The following SOX6 variants were observed in gnomAD, a reference collection of about 807,000 sequenced individuals.
The protein encoded by SOX6 is SRY-box transcription factor 6.
SOX6 carries 11 observed loss-of-function variants against 97.8 expected under a neutral mutation model. The ratio of observed to expected loss-of-function variants is 0.11; its 90% confidence interval spans 0.07 to 0.19. The LOEUF (loss-of-function observed/expected upper bound fraction) is 0.19, where lower values mean the gene tolerates loss of function less well. Among genes scored for constraint, SOX6 ranks in the 10% least tolerant of loss-of-function variants. The pLI is 1.00. For synonymous variants in SOX6, 360 were observed against 371.4 expected (o/e 0.97, Z 0.35); for missense variants, 810 against 1,039.5 (o/e 0.78, Z 3.04).
At chr11:16,447,579 G>A (rs1202793825) in intron 1 of SOX6, among the ~76,000 whole-genome samples, 1 of 151,934 alleles carries the variant, frequency 6.6e-6, no homozygotes, top group Non-Finnish European at 1.5e-5. Context: ...GATACATACT[G>A]TTATTAATAG....
chr11:16,303,186 A>C (rs929551030), intron 3 of SOX6, among the ~76,000 whole-genome samples: 3 of 152,172 alleles, frequency 2.0e-5, no homozygotes, highest in African/African-American at 7.2e-5. Context: ...ATTCTCTAAA[A>C]ATTAAAGCTA....
intron 2 of SOX6, among the ~76,000 whole-genome samples, chr11:16,324,043 G>A (rs1402303903): frequency 2.6e-5 from 4 of 151,964 alleles, no homozygotes; most frequent in African/African-American, 9.7e-5. Flanking sequence ...AATTAGCTGA[G>A]TGTGGGGGTG....
At chr11:16,239,313 C>T (rs1251290024) in intron 3 of SOX6, among the ~76,000 whole-genome samples, 1 of 152,034 alleles carries the variant, frequency 6.6e-6, no homozygotes, top group East Asian at 1.9e-4. Context: ...CTCTCTCTCC[C>T]CCTCTCCCTC....
At chr11:16,162,060 G>T (rs898809076) in intron 6 of SOX6, among the ~76,000 whole-genome samples, 1 of 152,108 alleles carries the variant, frequency 6.6e-6, no homozygotes, top group African/African-American at 2.4e-5. Flanking sequence ...TGTAATAATT[G>T]TTCCTTGCTT....
chr11:16,386,005 T>C (rs1857973199), intron 1 of SOX6, among the ~76,000 whole-genome samples: 1 of 152,182 alleles, frequency 6.6e-6, no homozygotes, highest in African/African-American at 2.4e-5. Flanking sequence ...AGCCATATTG[T>C]TCTCTGGGGC....
intron 4 of SOX6, among the ~76,000 whole-genome samples, chr11:16,590,164 A>G (rs189129749): frequency 6.6e-6 from 1 of 152,334 alleles, no homozygotes; most frequent in East Asian, 1.9e-4. Flanking sequence ...TGAAAGACAC[A>G]TAGAAAACTT....
In SOX6 at chr11:16,610,528, T is replaced by C. The variant is rs920338440; in HGVS notation, n.609+1553A>G. Among the ~76,000 whole-genome samples the C allele has an allele frequency of 6.6e-6, 1 of 152,200 alleles. No individual in the cohort carries two copies. The highest frequency in any genetic ancestry group is 6.5e-5 in the Admixed American group (1 of 15,288). The stretch of plus-strand genomic sequence containing the variant: ...GATCTCTGGCGTCCACTGAAGGCCC[T>C]AATACCCGGCCGCGATGAACCTTCC... On this transcript the variant is annotated intron_variant and non_coding_transcript_variant, in intron 4 of 5. Transcript: ENST00000524520. This position sits in a 1 kb window ranked among gnomAD's most constrained non-coding sequence, Gnocchi z 4.4.
intron 6 of SOX6, among the ~76,000 whole-genome samples, chr11:16,121,975 A>G (rs1849504783): frequency 6.6e-6 from 1 of 152,010 alleles, no homozygotes; most frequent in South Asian, 2.1e-4. Flanking sequence ...TTAAAGTGCA[A>G]CTAAGGAAAA....
intron 2 of SOX6, among the ~76,000 whole-genome samples, chr11:16,722,397 A>C (rs1848273949): frequency 6.6e-6 from 1 of 152,204 alleles, no homozygotes; most frequent in Admixed American, 6.5e-5. Context: ...TCACACCTGT[A>C]ATCTCAGCAC....
intron 1 of SOX6, among the ~76,000 whole-genome samples, chr11:16,368,726 T>A (rs1857425798): frequency 6.6e-6 from 1 of 152,086 alleles, no homozygotes; most frequent in African/African-American, 2.4e-5. Flanking sequence ...AAAAATCAGA[T>A]AATTGGATTT....
At chr11:16,467,460 A>G (rs1811941576) in intron 1 of SOX6, among the ~76,000 whole-genome samples, 1 of 152,240 alleles carries the variant, frequency 6.6e-6, no homozygotes, top group Non-Finnish European at 1.5e-5. Context: ...TGCAGCCATA[A>G]AAAGAATGAG....
chr11:16,369,778 C>A (rs116659244), intron 1 of SOX6, among the ~76,000 whole-genome samples: 42 of 152,250 alleles, frequency 2.8e-4, no homozygotes, highest in African/African-American at 9.9e-4. Flanking sequence ...AATTCTCTGC[C>A]TTGTGATGCT....
chr11:16,176,074 T>C (rs201506067), intron 6 of SOX6, among the ~76,000 whole-genome samples: 60 of 39,200 alleles, frequency 1.5e-3, no homozygotes, highest in East Asian at 8.3e-3. Flanking sequence ...GACGGACGGA[T>C]GGATGGATGG....
intron 1 of SOX6, among the ~76,000 whole-genome samples, chr11:16,393,610 C>T (rs575833725): frequency 1.3e-5 from 2 of 152,150 alleles, no homozygotes; most frequent in South Asian, 4.1e-4. Flanking sequence ...AAAAATTATG[C>T]TATTTCATTC....
chr11:16,422,943 A>G (rs2133066772), intron 1 of SOX6, among the ~76,000 whole-genome samples: 1 of 152,334 alleles, frequency 6.6e-6, no homozygotes, highest in South Asian at 2.1e-4. Flanking sequence ...TTCTGCTTCA[A>G]CAACTGCTCT....
intron 10 of SOX6, among the ~76,000 whole-genome samples, chr11:16,054,884 C>T (rs1847775748): frequency 6.6e-6 from 1 of 152,126 alleles, no homozygotes; most frequent in Admixed American, 6.6e-5. Flanking sequence ...CTATAGGTAC[C>T]AGCTGCAGCA....
intron 2 of SOX6, among the ~76,000 whole-genome samples, chr11:16,339,097 A>C (rs557694271): frequency 2.0e-5 from 3 of 152,152 alleles, no homozygotes; most frequent in Non-Finnish European, 4.4e-5. Context: ...CTTCCTTTAC[A>C]TTAATCCAAG....
At chr11:16,485,472 C>G (rs1444723890) in intron 4 of SOX6, among the ~76,000 whole-genome samples, 1 of 152,048 alleles carries the variant, frequency 6.6e-6, no homozygotes, top group Non-Finnish European at 1.5e-5. Flanking sequence ...TGGCTTACAC[C>G]TGTAATCCCA....
At chr11:16,407,461 T>C (rs1858711315) in intron 1 of SOX6, among the ~76,000 whole-genome samples, 1 of 152,108 alleles carries the variant, frequency 6.6e-6, no homozygotes, top group Admixed American at 6.6e-5. Flanking sequence ...GAGGAAAGTA[T>C]CCACGATGAT....
Sources: allele counts gnomAD v4.1 joint callset (sites outside exome capture counted in the v4.1 genomes callset), GRCh38; gene constraint gnomAD v4.1.1; non-coding constraint Gnocchi (gnomAD v3.1); transcripts MANE v1.5; gene names NCBI Gene and HGNC (gene_info 2026-07-23, HGNC 2026-07-21).